MAP7D2: variants seen among roughly 807,000 people sequenced by gnomAD.
MAP7D2 encodes MAP7 domain-containing protein 2.
A neutral mutation model predicts 63.5 loss-of-function variants in MAP7D2; 33 were observed. The ratio of observed to expected loss-of-function variants is 0.52; its 90% confidence interval spans 0.39 to 0.70. The LOEUF (loss-of-function observed/expected upper bound fraction) is 0.70. Ranked by LOEUF, MAP7D2 falls within the 30% of genes least tolerant of loss-of-function variation. MAP7D2 has a pLI of 0.00. For missense variants in MAP7D2, 626 were observed against 604.0 expected, an observed-to-expected ratio of 1.04 and a Z score of -0.38; for synonymous variants, 224 against 223.7, an observed-to-expected ratio of 1.00 and a Z score of -0.01.
Position 20,025,098 on chromosome X carries a change from A to C in MAP7D2, c.1280-15T>G. The C allele has an allele frequency of 8.4e-7, 1 of 1,188,720 alleles. No individual in the cohort carries two copies. Among genetic ancestry groups the C allele is most frequent in the Non-Finnish European group, 1.1e-6 (1 of 887,241 alleles). On this transcript the variant is annotated splice_polypyrimidine_tract_variant and intron_variant, in intron 9 of 16. Coordinates refer to ENST00000379643, the MANE Select transcript of MAP7D2 (RefSeq NM_001168465.2). ...CTTCCCCAAGGCTGCACCAGAGGAGAGGCATCAAGAGGAAAAGATCAAGGG... is the reference window on the plus strand; with the variant it reads ...CTTCCCCAAGGCTGCACCAGAGGAGCGGCATCAAGAGGAAAAGATCAAGGG...
chrX:20,116,712 G>A, intron 1 of MAP7D2, 38 bp downstream of exon 1: 2 of 1,125,102 alleles, frequency 1.8e-6, no homozygotes, highest in Non-Finnish European at 2.3e-6. Flanking sequence ...ACAGGAACCC[G>A]AAGCCCTCGG....
rs563019220 is a variant in MAP7D2, at chrX:20,056,689, C to T, written c.475G>A (p.Gly159Arg). ...GCAACCCTACACTCACCATCATGTC[C>T]TCCGGGTCCAATGGCCAGTGGTGCT... Reference protein sequence around the residue: ...WGAPLAIGPGGHDACDKLSTS... With the variant: ...WGAPLAIGPGRHDACDKLSTS... The change falls in exon 4 of 17, where the codon GGA becomes AGA. Residue 159 changes from glycine to arginine, a missense_variant. Gly to Arg is a moderately radical substitution (Grantham distance 125). Transcript: ENST00000379643. 6 of 1,209,321 alleles carry T rather than the reference C, an allele frequency of 5.0e-6. No homozygotes were observed. The African/African-American group carries it at 6.9e-5, about 14-fold the overall frequency.
At chrX:20,049,591 G>A (rs951741165) in intron 6 of MAP7D2, among the ~76,000 whole-genome samples, 1 of 111,386 alleles carries the variant, frequency 9.0e-6, no homozygotes, top group African/African-American at 3.3e-5. Context: ...TTTTATAGCT[G>A]AATAATATTC....
chrX:20,019,392 CCTCA>C (rs758620192), intron 10 of MAP7D2, among the ~76,000 whole-genome samples: 66 of 111,528 alleles, frequency 5.9e-4, no homozygotes, highest in African/African-American at 1.9e-3. Context: ...CTCTCCCTTT[CCTCA>C]CTATGTACAA....
chrX:20,116,632 C>T, intron 1 of MAP7D2, 118 bp downstream of exon 1: 2 of 1,007,800 alleles, frequency 2.0e-6, no homozygotes, highest in Non-Finnish European at 2.5e-6. Context: ...GCGTTTATCT[C>T]AGCTCTGCGC....
intron 3 of MAP7D2, among the ~76,000 whole-genome samples, chrX:20,057,510 G>A (rs1006940818): frequency 2.7e-5 from 3 of 111,234 alleles, no homozygotes; most frequent in Middle Eastern, 4.7e-3. Context: ...GGCTTCTCTC[G>A]TAACAGTATT....
chrX:20,017,172 C>T (rs1382522821), intron 10 of MAP7D2: 1 of 114,042 alleles, frequency 8.8e-6, no homozygotes, highest in Non-Finnish European at 1.9e-5. Flanking sequence ...CACTGTGTGA[C>T]ACCTGGAAAG....
chrX:20,074,587 A>G (rs1233789831), intron 1 of MAP7D2, among the ~76,000 whole-genome samples: 1 of 111,932 alleles, frequency 8.9e-6, no homozygotes, highest in Non-Finnish European at 1.9e-5. Flanking sequence ...AATTTCTTTC[A>G]GTGTAGGGCT....
chrX:20,099,242 C>A (rs1603405144), intron 1 of MAP7D2, among the ~76,000 whole-genome samples: 1 of 14,032 alleles, frequency 7.1e-5, no homozygotes, highest in African/African-American at 2.0e-4. Context: ...TATACTCTCT[C>A]TCTCTCTCTC....
chrX:20,077,496 C>T (rs1360733372), intron 1 of MAP7D2, among the ~76,000 whole-genome samples: 1 of 111,984 alleles, frequency 8.9e-6, no homozygotes, highest in African/African-American at 3.2e-5. Flanking sequence ...GAAAGTTCCG[C>T]AGGACCTGCT....
chrX:20,039,879 A>G (rs888063162), intron 8 of MAP7D2, among the ~76,000 whole-genome samples: 4 of 108,871 alleles, frequency 3.7e-5, no homozygotes, highest in Non-Finnish European at 7.6e-5. Flanking sequence ...CATGCCTGTA[A>G]TCCCAGCTAC....
chrX:20,069,852 C>T (rs925328576), intron 1 of MAP7D2, among the ~76,000 whole-genome samples: 1 of 107,245 alleles, frequency 9.3e-6, no homozygotes, highest in Non-Finnish European at 1.9e-5. Flanking sequence ...CAGCTCACTG[C>T]AGCCTCGAAC....
chrX:20,012,414 A>C lies in MAP7D2; in HGVS notation c.2007T>G (p.Asp669Glu), dbSNP rs2073233392. ...GGCTATTTGATTTCCCATCAAGGGC[A>C]TCCAGATGAATGAGTCCCCCAGCTG... ...LKPAGGLIHLDALDGKSNSLD... is the reference protein window; with the variant it reads ...LKPAGGLIHLEALDGKSNSLD... Residue 669 changes from aspartate (D) to glutamate (E), a missense_variant, in exon 15 of 17, where the codon GAT becomes GAG. Physicochemically the swap from Asp to Glu is conservative, Grantham distance 45. Transcript: ENST00000379643. 2 of 1,207,978 alleles carry C rather than the reference A, an allele frequency of 1.7e-6. No individual in the cohort carries two copies. Among genetic ancestry groups the C allele is most frequent in the Admixed American group, 4.4e-5 (2 of 45,663 alleles).
At chrX:20,097,719 C>T (rs933828403) in intron 1 of MAP7D2, among the ~76,000 whole-genome samples, 28 of 111,406 alleles carry the variant, frequency 2.5e-4, no homozygotes, top group Non-Finnish European at 3.0e-4. Flanking sequence ...AACTGAAGAA[C>T]GTGGCCAAAG....
chrX:20,045,587 G>A (rs1045477713), intron 6 of MAP7D2, among the ~76,000 whole-genome samples: 23 of 106,772 alleles, frequency 2.2e-4, no homozygotes, highest in African/African-American at 7.9e-4. Context: ...AGCCATGCGT[G>A]GAACTATGCT....
At chrX:20,049,340 C>T (rs1296891586) in intron 6 of MAP7D2, among the ~76,000 whole-genome samples, 1 of 103,830 alleles carries the variant, frequency 9.6e-6, no homozygotes, top group African/African-American at 3.6e-5. Context: ...GGTGCAATCT[C>T]GGCTCACTAC....
At chrX:20,040,995 T>C (rs1415765008) in intron 8 of MAP7D2, among the ~76,000 whole-genome samples, 1 of 111,301 alleles carries the variant, frequency 9.0e-6, no homozygotes, top group African/African-American at 3.3e-5. Flanking sequence ...CAAAACTAGG[T>C]ATACCTATAA....
intron 8 of MAP7D2, among the ~76,000 whole-genome samples, chrX:20,040,969 G>A (rs1370885134): frequency 9.0e-6 from 1 of 111,429 alleles, no homozygotes; most frequent in Non-Finnish European, 1.9e-5. Context: ...CAGTATTTGC[G>A]AAGTGCAAAG....
In MAP7D2 at chrX:20,080,232, A is replaced by G. The variant is rs1205348750; in HGVS notation, c.131-15427T>C. 2.7e-5 allele frequency among the ~76,000 whole-genome samples: 3 copies of G among 110,797 alleles called. No homozygotes were observed. The Admixed American group carries it at 2.9e-4, about 11-fold the overall frequency. On this transcript the variant is annotated intron_variant, in intron 1 of 16. Transcript: ENST00000379643. Reference sequence around the variant, plus strand: ...TCCCTAAGGTAATACGGGTGACTCTATGCTGAGGTCTGTCCTCCCAGCCTT... The same window carrying G: ...TCCCTAAGGTAATACGGGTGACTCTGTGCTGAGGTCTGTCCTCCCAGCCTT...
Sources: allele counts gnomAD v4.1 joint callset (sites outside exome capture counted in the v4.1 genomes callset), GRCh38; gene constraint gnomAD v4.1.1; transcripts MANE v1.5; gene names NCBI Gene and HGNC (gene_info 2026-07-23, HGNC 2026-07-21).